The following MYO1B variants were observed in gnomAD, a reference collection of about 807,000 sequenced individuals.
The protein encoded by MYO1B is unconventional myosin-Ib.
Under a neutral mutation model 159.7 loss-of-function variants are expected in MYO1B, and 72 were observed. The ratio of observed to expected loss-of-function variants is 0.45; its 90% CI spans 0.37 to 0.55. The LOEUF (loss-of-function observed/expected upper bound fraction) is 0.55. Ranked by LOEUF, MYO1B falls within the 20% of genes least tolerant of loss-of-function variation. MYO1B has a pLI of 0.00. For synonymous variants in MYO1B, 468 were observed against 473.8 expected (o/e 0.99, Z 0.16); for missense variants, 1,062 against 1,364.8 (o/e 0.78, Z 3.50).
chr2:191,360,201 T>C (rs1693573545), intron 7 of MYO1B, among the ~76,000 whole-genome samples: 2 of 152,208 alleles, frequency 1.3e-5, no homozygotes, highest in Admixed American at 1.3e-4. Flanking sequence ...TTCAGTGAGA[T>C]ACCATCTGTA....
intron 30 of MYO1B, 30 bp from the exon 31 acceptor site, chr2:191,423,807 A>C: frequency 6.3e-7 from 1 of 1,597,544 alleles, no homozygotes; most frequent in Non-Finnish European, 8.5e-7. Context: ...TTTTGTGTAT[A>C]CTTTAATTTG....
chr2:191,305,340 AG>A (rs1689585890), intron 3 of MYO1B, among the ~76,000 whole-genome samples: 1 of 152,230 alleles, frequency 6.6e-6, no homozygotes, highest in African/African-American at 2.4e-5. Context: ...TAGCAAAGCC[AG>A]GGATAATGAA....
At chr2:191,376,802 T>A (rs1694740735) in intron 13 of MYO1B, among the ~76,000 whole-genome samples, 1 of 152,232 alleles carries the variant, frequency 6.6e-6, no homozygotes. Flanking sequence ...TTCTATTTAC[T>A]GTCTTCCTTT....
In MYO1B at chr2:191,424,119, A is replaced by G; in HGVS notation, c.*159A>G. On this transcript the variant is annotated 3_prime_UTR_variant, in exon 31 of 31. Transcript: ENST00000392318. ...TGACTAATCAATTTTTATTATTGGA[A>G]TAGTTTTAACCTTTCAAATACATGT... is the stretch of plus-strand genomic sequence containing the variant. The G allele has an allele frequency of 1.2e-6, 1 of 858,466 alleles. No homozygotes were observed. The highest frequency in any genetic ancestry group is 1.8e-6 in the Non-Finnish European group (1 of 551,890). The allele number at this position is 858,466 out of a possible 1,614,324, so 53.2% of individuals were successfully genotyped here. A position where few individuals can be genotyped will look rare whatever the true frequency, so the allele number is the denominator to read the frequency against.
In MYO1B at chr2:191,363,883, C is replaced by G; in HGVS notation, c.913+8C>G. ...AAATCAAAGATAAAAATGGTACATC[C>G]GTGGAGAATCAACTTTGTTTGTTTA... On this transcript the variant is annotated splice_region_variant and intron_variant, in intron 10 of 30. Transcript: ENST00000392318. The G allele has an allele frequency of 6.2e-7, 1 of 1,611,722 alleles. No individual in the cohort carries two copies. Among genetic ancestry groups the G allele is most frequent in the Non-Finnish European group, 8.5e-7 (1 of 1,178,522 alleles).
chr2:191,405,974 T>C (rs1045818256), intron 24 of MYO1B, among the ~76,000 whole-genome samples: 1 of 152,264 alleles, frequency 6.6e-6, no homozygotes, highest in Non-Finnish European at 1.5e-5. Context: ...AAAGTCTAGA[T>C]GGCATCTTCT....
At chr2:191,400,263 G>A in intron 21 of MYO1B, 119 bp from the exon 22 acceptor site, 1 of 1,103,384 alleles carries the variant, frequency 9.1e-7, no homozygotes, top group African/African-American at 1.5e-5. Flanking sequence ...TCTTTAACCT[G>A]TTGATTTATC....
intron 27 of MYO1B, among the ~76,000 whole-genome samples, chr2:191,411,942 G>T (rs1390093977): frequency 6.6e-6 from 1 of 152,170 alleles, no homozygotes; most frequent in Non-Finnish European, 1.5e-5. Context: ...TCCAATGAAT[G>T]GCCAAAGAAA....
intron 4 of MYO1B, among the ~76,000 whole-genome samples, chr2:191,333,374 A>G (rs1413269755): frequency 6.6e-6 from 1 of 152,128 alleles, no homozygotes; most frequent in African/African-American, 2.4e-5. Context: ...TCTTATAACC[A>G]ATCTTTCTGA....
intron 3 of MYO1B, among the ~76,000 whole-genome samples, chr2:191,318,823 T>C (rs1158418852): frequency 6.6e-6 from 1 of 152,226 alleles, no homozygotes; most frequent in Non-Finnish European, 1.5e-5. Flanking sequence ...GTCTGTGTGA[T>C]GGAAGCATGC....
At chr2:191,353,106 C>G (rs950963111) in intron 7 of MYO1B, among the ~76,000 whole-genome samples, 1 of 152,154 alleles carries the variant, frequency 6.6e-6, no homozygotes, top group Non-Finnish European at 1.5e-5. Context: ...GTCTGGGACT[C>G]ACTTGAAAAC....
At chr2:191,345,947 G>C (rs1574476932) in intron 5 of MYO1B, among the ~76,000 whole-genome samples, 1 of 152,266 alleles carries the variant, frequency 6.6e-6, no homozygotes, top group African/African-American at 2.4e-5. Context: ...CTCTCTAGAA[G>C]TGTTAAAAGG....
intron 3 of MYO1B, among the ~76,000 whole-genome samples, chr2:191,306,303 A>G (rs1023460099): frequency 6.6e-6 from 1 of 152,154 alleles, no homozygotes; most frequent in African/African-American, 2.4e-5. Flanking sequence ...AGCAGATGCA[A>G]AGGTCTGAAG....
At chr2:191,381,251 T>A in intron 13 of MYO1B, 1 of 611,310 alleles carries the variant, frequency 1.6e-6, no homozygotes, top group South Asian at 1.8e-5. Flanking sequence ...ATTGCATCAT[T>A]TGTGTATACT....
intron 1 of MYO1B, among the ~76,000 whole-genome samples, chr2:191,270,152 G>A (rs550185679): frequency 1.3e-5 from 2 of 152,268 alleles, no homozygotes; most frequent in African/African-American, 4.8e-5. Context: ...GAGGAATGAT[G>A]TCACATTCCT....
chr2:191,322,435 C>G (rs1207673956), intron 3 of MYO1B, among the ~76,000 whole-genome samples: 1 of 152,160 alleles, frequency 6.6e-6, no homozygotes, highest in African/African-American at 2.4e-5. Flanking sequence ...AAAAGAGTCA[C>G]TCTTTGGCCC....
chr2:191,291,557 G>C (rs530028596), intron 2 of MYO1B, among the ~76,000 whole-genome samples: 56 of 152,228 alleles, frequency 3.7e-4, no homozygotes, highest in Non-Finnish European at 7.6e-4. Context: ...CATAGAGGGA[G>C]CTTTCCATTG....
intron 21 of MYO1B, 101 bp downstream of exon 21, chr2:191,396,598 C>T: frequency 9.2e-7 from 1 of 1,092,370 alleles, no homozygotes; most frequent in Admixed American, 1.8e-5. Flanking sequence ...GCTCCTCTGT[C>T]TCCTGCCTCG....
chr2:191,317,576 C>T (rs1230047389), intron 3 of MYO1B, among the ~76,000 whole-genome samples: 2 of 152,168 alleles, frequency 1.3e-5, no homozygotes, highest in African/African-American at 4.8e-5. Flanking sequence ...GTGCTCCACC[C>T]ATTAACTTGT....
Sources: allele counts gnomAD v4.1 joint callset (sites outside exome capture counted in the v4.1 genomes callset), GRCh38; gene constraint gnomAD v4.1.1; transcripts MANE v1.5; gene names NCBI Gene and HGNC (gene_info 2026-07-23, HGNC 2026-07-21).